The following TRPC5OS variants were observed in gnomAD, a reference collection of about 807,000 sequenced individuals.
TRPC5OS encodes TRPC5 opposite strand.
For synonymous variants in TRPC5OS, 30 were observed against 29.3 expected (o/e 1.02, Z -0.08); for missense variants, 64 against 79.3 (o/e 0.81, Z 0.73).
At chrX:111,881,147 T>TTTATTTTATTTTATTTTATTTTATC (rs1924198066) in intron 1 of TRPC5OS, among the ~76,000 whole-genome samples, 1 of 69,084 alleles carries the variant, frequency 1.4e-5, no homozygotes, top group African/African-American at 1.3e-4. Flanking sequence ...TTTTCTTTTG[T>TTTATTTTATTTTATTTTATTTTATC]TTATTTTATT....
At chrX:111,877,449 A>C (rs1433313807) in intron 1 of TRPC5OS, among the ~76,000 whole-genome samples, 1 of 111,152 alleles carries the variant, frequency 9.0e-6, no homozygotes, top group African/African-American at 3.3e-5. Context: ...TTCCGAGGAC[A>C]CGGAACTTTC....
intron 1 of TRPC5OS, among the ~76,000 whole-genome samples, chrX:111,878,897 C>A (rs1271543458): frequency 9.0e-6 from 1 of 111,730 alleles, no homozygotes; most frequent in Non-Finnish European, 1.9e-5. Context: ...AATTTTGAGA[C>A]CCTTAAAGGC....
rs1226189751 is a variant in TRPC5OS, at chrX:111,903,394, G to A, written c.*1209G>A. On this transcript the variant is annotated 3_prime_UTR_variant, in exon 4 of 4. Coordinates refer to ENST00000635763, the MANE Select transcript of TRPC5OS (RefSeq NM_001195578.2). ...TGTCAACAGTTATGCGACGGTTTAT[G>A]ATGGAAAGCCATGATATGGAGTTAG... The A allele has an allele frequency of 1.8e-5, 2 of 112,298 alleles. No homozygotes were observed. Among genetic ancestry groups the A allele is most frequent in the Admixed American group, 9.4e-5 (1 of 10,590 alleles). 9.3% of individuals were successfully genotyped at this position (112,298 alleles called of 1,213,427 possible).
intron 1 of TRPC5OS, among the ~76,000 whole-genome samples, chrX:111,892,950 C>T (rs1028522823): frequency 3.6e-5 from 4 of 111,600 alleles, no homozygotes; most frequent in Non-Finnish European, 5.6e-5. Flanking sequence ...ATTTTAAATT[C>T]GTTGTGCTAA....
intron 3 of TRPC5OS, among the ~76,000 whole-genome samples, chrX:111,901,165 A>G (rs1220752863): frequency 8.9e-6 from 1 of 111,943 alleles, no homozygotes; most frequent in Non-Finnish European, 1.9e-5. Context: ...GGAAACTTTA[A>G]TGAATGGATT....
chrX:111,892,232 C>T (rs577896106), intron 1 of TRPC5OS, among the ~76,000 whole-genome samples: 5 of 112,140 alleles, frequency 4.5e-5, no homozygotes, highest in Non-Finnish European at 9.4e-5. Context: ...AAAAAGTATA[C>T]GAAGATGTTT....
At position 111,902,836 on chromosome X, in the gene TRPC5OS, A is replaced by T. The variant is rs1031673658; in HGVS notation, c.*651A>T. ...CTGGGACCAAGAGTTCCAGTGCAGG[A>T]CTGTTCTTGCAAATTCTGACCACAT... On this transcript the variant is annotated 3_prime_UTR_variant, in exon 4 of 4. Transcript: ENST00000635763. The T allele has an allele frequency of 1.8e-5, 2 of 111,994 alleles. No homozygotes were observed. Among genetic ancestry groups the T allele is most frequent in the African/African-American group, 6.5e-5 (2 of 30,899 alleles). 9.2% of individuals were successfully genotyped at this position (111,994 alleles called of 1,213,427 possible).
rs143838679 is a variant in TRPC5OS at position 111,884,287 on chromosome X, G to T, written c.-546+8014G>T. On this transcript the variant is annotated intron_variant, in intron 1 of 3. Coordinates refer to ENST00000635763, the MANE Select transcript of TRPC5OS (RefSeq NM_001195578.2). ...TATATTTAGTCAGAGCTAGTTAGGG[G>T]CCTAGTCAGAGCCCAGTTTAGGCCT... is the stretch of plus-strand genomic sequence containing the variant. Among the ~76,000 whole-genome samples, 624 of 112,402 alleles carry T rather than the reference G, an allele frequency of 5.6e-3. 3 individuals are homozygous for T. Among genetic ancestry groups the T allele is most frequent in the African/African-American group, 0.019 (594 of 31,002 alleles).
Position 111,903,880 on chromosome X carries a change from GTTATTATC to G in TRPC5OS, c.*1700_*1707del, listed in dbSNP as rs1925485731. On this transcript the variant is annotated 3_prime_UTR_variant, in exon 4 of 4. Transcript: ENST00000635763. The stretch of plus-strand genomic sequence containing the variant: ...TTCTTATGTGTGATGATTACTGCTA[GTTATTATC>G]TTATGATTGTTTACAATCTGTATTA... 1 of 112,305 alleles carries G rather than the reference GTTATTATC, an allele frequency of 8.9e-6. No homozygotes were observed. The highest frequency in any genetic ancestry group is 3.7e-4 in the South Asian group (1 of 2,703). The allele number at this position is 112,305 out of a possible 1,213,427, so 9.3% of individuals were successfully genotyped here.
At chrX:111,885,030 A>G (rs747032143) in intron 1 of TRPC5OS, among the ~76,000 whole-genome samples, 2 of 113,051 alleles carry the variant, frequency 1.8e-5, no homozygotes, top group East Asian at 5.6e-4. Context: ...AAGCTTAGTC[A>G]GAGTCTAGTT....
intron 1 of TRPC5OS, among the ~76,000 whole-genome samples, chrX:111,893,233 G>T (rs561773350): frequency 3.1e-4 from 34 of 110,588 alleles, no homozygotes; most frequent in African/African-American, 1.1e-3. Flanking sequence ...CCCTTTTCCT[G>T]TTACCTCCAA....
chrX:111,895,055 G>A (rs1428572661), intron 1 of TRPC5OS, among the ~76,000 whole-genome samples: 1 of 111,943 alleles, frequency 8.9e-6, no homozygotes, highest in African/African-American at 3.2e-5. Context: ...ATACTTAGGA[G>A]TAGCATTCCA....
At chrX:111,886,675 T>C (rs1392374721) in intron 1 of TRPC5OS, among the ~76,000 whole-genome samples, 1 of 111,740 alleles carries the variant, frequency 8.9e-6, no homozygotes, top group Non-Finnish European at 1.9e-5. Context: ...CCTGGTATAA[T>C]GACATTCTGG....
Position 111,902,980 on chromosome X carries a change from G to C in TRPC5OS, c.*795G>C, listed in dbSNP as rs1179784200. On this transcript the variant is annotated 3_prime_UTR_variant, in exon 4 of 4. Transcript: ENST00000635763. ...TACAAGGACTATTCACCAATGGAAA[G>C]ACAAACACTCACCATATTGGACTAA... 1 of 111,913 alleles carries C rather than the reference G, an allele frequency of 8.9e-6. No homozygotes were observed. Among genetic ancestry groups the C allele is most frequent in the Non-Finnish European group, 1.9e-5 (1 of 53,134 alleles). The allele number at this position is 111,913 out of a possible 1,213,427, so 9.2% of individuals were successfully genotyped here.
chrX:111,882,812 G>A (rs1924289457), intron 1 of TRPC5OS, among the ~76,000 whole-genome samples: 1 of 112,258 alleles, frequency 8.9e-6, no homozygotes, highest in Non-Finnish European at 1.9e-5. Flanking sequence ...CCGGCTGGGC[G>A]CTGTGGCTCA....
chrX:111,884,779 A>G (rs1924393903), intron 1 of TRPC5OS, among the ~76,000 whole-genome samples: 1 of 113,122 alleles, frequency 8.8e-6, no homozygotes, highest in Admixed American at 9.3e-5. Flanking sequence ...GGATAAGCCT[A>G]CTTAAGTCCT....
intron 1 of TRPC5OS, among the ~76,000 whole-genome samples, chrX:111,882,405 G>A (rs183868693): frequency 8.9e-6 from 1 of 112,261 alleles, no homozygotes; most frequent in African/African-American, 3.2e-5. Context: ...GAAACTGCAG[G>A]ATAACTGAGG....
At position 111,901,819 on chromosome X, in the gene TRPC5OS, A is replaced by T. The variant is rs1215150749; in HGVS notation, c.-31A>T. 4.8e-6 allele frequency: 5 copies of T among 1,033,707 alleles called. No homozygotes were observed. The highest frequency in any genetic ancestry group is 3.6e-5 in the Admixed American group (1 of 27,771). 85.2% of individuals were successfully genotyped at this position (1,033,707 alleles called of 1,213,427 possible). The stretch of plus-strand genomic sequence containing the variant: ...AGTCCATTTGCTAGAGCTTTTAGTG[A>T]TATTTTATCTATTTAGAAGAGCACT... On this transcript the variant is annotated 5_prime_UTR_variant, in exon 4 of 4. Transcript: ENST00000635763.
At chrX:111,879,945 G>T (rs963427328) in intron 1 of TRPC5OS, among the ~76,000 whole-genome samples, 1 of 111,181 alleles carries the variant, frequency 9.0e-6, no homozygotes, top group Non-Finnish European at 1.9e-5. Flanking sequence ...ATGGGTAAGT[G>T]ATTCCACTTT....
Sources: allele counts gnomAD v4.1 joint callset (sites outside exome capture counted in the v4.1 genomes callset), GRCh38; gene constraint gnomAD v4.1.1; transcripts MANE v1.5; gene names NCBI Gene and HGNC (gene_info 2026-07-23, HGNC 2026-07-21).